The following DDX10 variants were observed in gnomAD, a reference collection of about 807,000 sequenced individuals.
DDX10 encodes the protein DEAD-box helicase 10.
Under a neutral mutation model 104.3 loss-of-function variants are expected in DDX10, and 74 were observed. The observed-to-expected ratio is 0.71, with a 90% confidence interval of 0.59 to 0.86. The LOEUF is 0.86. DDX10 is among the 40% of genes least tolerant of loss of function. The pLI is 0.00. For synonymous variants in DDX10, 351 were observed against 353.4 expected, an observed-to-expected ratio of 0.99 and a Z score of 0.08; for missense variants, 952 against 1,040.0, an observed-to-expected ratio of 0.92 and a Z score of 1.16.
intron 13 of DDX10, among the ~76,000 whole-genome samples, chr11:108,762,227 A>G (rs2094351638): frequency 1.3e-5 from 2 of 152,184 alleles, no homozygotes; most frequent in Admixed American, 1.3e-4. Flanking sequence ...ACAGGCATCT[A>G]CTAGTGAGGC....
chr11:108,784,103 A>G (rs1861751980), intron 13 of DDX10, among the ~76,000 whole-genome samples: 1 of 152,218 alleles, frequency 6.6e-6, no homozygotes, highest in Non-Finnish European at 1.5e-5. Flanking sequence ...GAATAACACA[A>G]CATTGAATAT....
chr11:108,718,466 C>T (rs2094294266), intron 11 of DDX10, among the ~76,000 whole-genome samples: 1 of 151,992 alleles, frequency 6.6e-6, no homozygotes, highest in South Asian at 2.1e-4. Flanking sequence ...CAGTTGAAAC[C>T]TAGGAGCTTT....
chr11:108,853,579 A>G (rs766924138), intron 16 of DDX10, among the ~76,000 whole-genome samples: 15 of 151,964 alleles, frequency 9.9e-5, no homozygotes, highest in South Asian at 2.1e-4. Context: ...AGAAGTTGCT[A>G]TCACCCTTGA....
At chr11:108,751,116 C>G (rs1348224372) in intron 13 of DDX10, among the ~76,000 whole-genome samples, 1 of 151,422 alleles carries the variant, frequency 6.6e-6, no homozygotes, top group Non-Finnish European at 1.5e-5. Context: ...AAATAGAGTA[C>G]TTTTTATTTT....
chr11:108,710,029 G>A (rs752008637), intron 10 of DDX10, among the ~76,000 whole-genome samples: 4 of 151,994 alleles, frequency 2.6e-5, no homozygotes, highest in African/African-American at 7.3e-5. Flanking sequence ...GAATACTGTG[G>A]GCAATTGAAC....
At chr11:108,911,488 C>T (rs1179840401) in intron 16 of DDX10, among the ~76,000 whole-genome samples, 1 of 150,536 alleles carries the variant, frequency 6.6e-6, no homozygotes, top group Non-Finnish European at 1.5e-5. Flanking sequence ...CTTGTAAGGG[C>T]ACTAATCTCA....
At chr11:108,888,153 T>C (rs1863326043) in intron 16 of DDX10, among the ~76,000 whole-genome samples, 1 of 152,072 alleles carries the variant, frequency 6.6e-6, no homozygotes, top group Non-Finnish European at 1.5e-5. Flanking sequence ...ATAATGACTA[T>C]AATGAAAATA....
intron 16 of DDX10, among the ~76,000 whole-genome samples, chr11:108,857,505 G>A (rs1315521532): frequency 6.6e-6 from 1 of 152,170 alleles, no homozygotes; most frequent in African/African-American, 2.4e-5. Flanking sequence ...TGCTGATGTG[G>A]TTGCACTTCT....
At chr11:108,731,431 C>T (rs767109536) in intron 13 of DDX10, among the ~76,000 whole-genome samples, 6 of 152,072 alleles carry the variant, frequency 3.9e-5, no homozygotes, top group Admixed American at 6.6e-5. Context: ...TATTTTCACT[C>T]GTGTTAATAT....
chr11:108,685,442 A>G (rs1166411248), intron 6 of DDX10, among the ~76,000 whole-genome samples: 1 of 151,562 alleles, frequency 6.6e-6, no homozygotes, highest in African/African-American at 2.4e-5. Flanking sequence ...GGCACTCCCT[A>G]GTGAGATGAA....
chr11:108,707,231 T>A (rs1158603157), intron 10 of DDX10, among the ~76,000 whole-genome samples: 2 of 152,182 alleles, frequency 1.3e-5, no homozygotes, highest in Non-Finnish European at 2.9e-5. Context: ...TATGGCAGTT[T>A]TCACTGCTCT....
intron 13 of DDX10, among the ~76,000 whole-genome samples, chr11:108,755,749 T>C (rs896780609): frequency 6.6e-6 from 1 of 152,026 alleles, no homozygotes; most frequent in African/African-American, 2.4e-5. Flanking sequence ...AGTTCAAACC[T>C]TGCCTCAGCC....
chr11:108,691,946 A>T lies in DDX10; in HGVS notation c.1046A>T (p.Gln349Leu). ...GVSILALHGRQQQMRRMEVYN... is the reference protein window; with the variant it reads ...GVSILALHGRLQQMRRMEVYN... ...TCTATCCTTGCACTCCATGGTCGAC[A>T]GCAGCAAATGAGAAGAATGGAAGTC... is the stretch of plus-strand genomic sequence containing the variant. The change falls in exon 8 of 18, where the codon CAG becomes CTG. Residue 349 changes from glutamine (Q) to leucine (L), a missense_variant. Coordinates refer to ENST00000322536, the MANE Select transcript of DDX10 (RefSeq NM_004398.4). The T allele has an allele frequency of 6.2e-7, 1 of 1,614,188 alleles. No individual in the cohort carries two copies. Among genetic ancestry groups the T allele is most frequent in the Non-Finnish European group, 8.5e-7 (1 of 1,180,006 alleles).
chr11:108,727,163 A>G (rs1365136034), intron 13 of DDX10, among the ~76,000 whole-genome samples: 1 of 152,040 alleles, frequency 6.6e-6, no homozygotes, highest in Non-Finnish European at 1.5e-5. Flanking sequence ...GACTGGGAAT[A>G]TGACACATTT....
intron 13 of DDX10, among the ~76,000 whole-genome samples, chr11:108,742,292 G>T (rs1038997982): frequency 6.7e-6 from 1 of 149,204 alleles, no homozygotes; most frequent in African/African-American, 2.5e-5. Flanking sequence ...AAAACCCTGG[G>T]CATGGTGGCT....
intron 4 of DDX10, 37 bp from the exon 5 acceptor site, chr11:108,678,278 A>G (rs948155773): frequency 5.6e-6 from 9 of 1,595,288 alleles, no homozygotes; most frequent in Admixed American, 5.2e-5. Context: ...GCTGAGAGTG[A>G]TGTGTCTGTG....
chr11:108,818,333 G>A (rs1004320402), intron 13 of DDX10, among the ~76,000 whole-genome samples: 5 of 152,328 alleles, frequency 3.3e-5, no homozygotes, highest in Non-Finnish European at 4.4e-5. Flanking sequence ...GCTTCCTGGA[G>A]TTTCTCAAAT....
chr11:108,924,775 T>G (rs1193396431), intron 17 of DDX10, among the ~76,000 whole-genome samples: 1 of 152,244 alleles, frequency 6.6e-6, no homozygotes, highest in Non-Finnish European at 1.5e-5. Flanking sequence ...GCTTTTCACT[T>G]GGAAAACAAT....
intron 1 of DDX10, among the ~76,000 whole-genome samples, chr11:108,668,271 T>C (rs1367478174): frequency 6.6e-6 from 1 of 152,178 alleles, no homozygotes. Flanking sequence ...AGCTAAGAAG[T>C]GAAAAAGGAG....
Sources: gnomAD v4.1 joint callset for allele counts (sites outside exome capture counted in the v4.1 genomes callset) on GRCh38, gnomAD v4.1.1 for gene constraint, MANE v1.5 for transcripts, NCBI Gene and HGNC (gene_info 2026-07-23, HGNC 2026-07-21) for gene names.